AFAP1: variants seen among roughly 807,000 people sequenced by gnomAD.
AFAP1 encodes actin filament-associated protein 1.
A neutral mutation model predicts 93.9 loss-of-function variants in AFAP1; 75 were observed. That is an observed-to-expected ratio of 0.80 (90% CI 0.66 to 0.97). The LOEUF (loss-of-function observed/expected upper bound fraction) is 0.97, where lower values mean the gene tolerates loss of function less well. AFAP1 is among the 50% of genes least tolerant of loss of function. AFAP1 has a pLI of 0.00. For missense variants in AFAP1, 1,201 were observed against 1,050.8 expected, an observed-to-expected ratio of 1.14 and a Z score of -1.98; for synonymous variants, 517 against 430.7, an observed-to-expected ratio of 1.20 and a Z score of -2.48.
At chr4:7,895,402 T>A (rs1465224391) in intron 1 of AFAP1, among the ~76,000 whole-genome samples, 1 of 152,070 alleles carries the variant, frequency 6.6e-6, no homozygotes, top group Non-Finnish European at 1.5e-5. Context: ...AAGATTTTTT[T>A]AAAAAAAGCT....
chr4:7,840,823 G>A (rs78258460), intron 5 of AFAP1, among the ~76,000 whole-genome samples: 2,326 of 151,182 alleles, frequency 0.015, 69 homozygotes, highest in African/African-American at 0.055. Flanking sequence ...GGAAGGAATC[G>A]GAAAGGGAAT....
At chr4:7,872,793 T>C (rs1228770498) in intron 1 of AFAP1, among the ~76,000 whole-genome samples, 1 of 152,122 alleles carries the variant, frequency 6.6e-6, no homozygotes, top group Non-Finnish European at 1.5e-5. Flanking sequence ...TAAGACATTA[T>C]TCACCTTTTT....
chr4:7,781,701 T>C, intron 12 of AFAP1, 74 bp from the exon 13 acceptor site: 4 of 1,519,964 alleles, frequency 2.6e-6, no homozygotes, highest in Non-Finnish European at 3.5e-6. Context: ...TGAGATGTCA[T>C]TTATTAATAG....
intron 1 of AFAP1, among the ~76,000 whole-genome samples, chr4:7,934,510 G>A (rs1278202548): frequency 1.3e-5 from 2 of 152,156 alleles, no homozygotes; most frequent in East Asian, 1.9e-4. Flanking sequence ...TAAATTCTTC[G>A]AGGACCAGGG....
chr4:7,924,610 T>C (rs1237840457), intron 1 of AFAP1, among the ~76,000 whole-genome samples: 3 of 152,222 alleles, frequency 2.0e-5, no homozygotes, highest in African/African-American at 4.8e-5. Flanking sequence ...GTATCCAATT[T>C]GTCATTTGAT....
At chr4:7,818,027 G>A (rs1433277727) in intron 7 of AFAP1, among the ~76,000 whole-genome samples, 1 of 152,198 alleles carries the variant, frequency 6.6e-6, no homozygotes, top group African/African-American at 2.4e-5. Context: ...GATGAGGACT[G>A]TGATGTTTAA....
At chr4:7,860,386 C>T (rs1715541952) in intron 3 of AFAP1, among the ~76,000 whole-genome samples, 1 of 152,044 alleles carries the variant, frequency 6.6e-6, no homozygotes, top group African/African-American at 2.4e-5. Context: ...AAATCCAAAA[C>T]TTTTTTTAGC....
At chr4:7,885,150 ACT>A (rs1334898449) in intron 1 of AFAP1, among the ~76,000 whole-genome samples, 4 of 151,922 alleles carry the variant, frequency 2.6e-5, no homozygotes, top group African/African-American at 9.7e-5. Context: ...GGTTTGCTAC[ACT>A]CTTCTCAGTG....
intron 6 of AFAP1, among the ~76,000 whole-genome samples, chr4:7,834,766 C>T (rs543744385): frequency 2.6e-5 from 4 of 152,346 alleles, no homozygotes; most frequent in South Asian, 4.1e-4. Flanking sequence ...AAGAGGGGGT[C>T]CCTGGCAAAA....
chr4:7,831,357 T>C (rs1711587674), intron 6 of AFAP1, among the ~76,000 whole-genome samples: 1 of 151,664 alleles, frequency 6.6e-6, no homozygotes, highest in African/African-American at 2.4e-5. Flanking sequence ...TTACCCCGTA[T>C]TATTTACTTT....
intron 1 of AFAP1, among the ~76,000 whole-genome samples, chr4:7,929,760 T>C (rs769284165): frequency 4.6e-5 from 7 of 152,180 alleles, no homozygotes; most frequent in African/African-American, 7.2e-5. Flanking sequence ...CAGGAACTAC[T>C]GAATGAGGGA....
chr4:7,809,583 C>G (rs557325534), intron 9 of AFAP1, 31 bp downstream of exon 9: 3 of 1,600,510 alleles, frequency 1.9e-6, no homozygotes, highest in South Asian at 1.1e-5. Context: ...CTTAGGTGCA[C>G]GCTGCTCGTC....
chr4:7,917,769 A>G (rs1286509624), intron 1 of AFAP1, among the ~76,000 whole-genome samples: 3 of 152,126 alleles, frequency 2.0e-5, no homozygotes, highest in African/African-American at 2.4e-5. Context: ...CCACCCTTCC[A>G]AACTCCTCTG....
intron 17 of AFAP1, among the ~76,000 whole-genome samples, chr4:7,764,955 A>C (rs531036608): frequency 1.3e-5 from 2 of 152,118 alleles, no homozygotes; most frequent in South Asian, 4.2e-4. Context: ...AAAATACAAA[A>C]ATTAGCTGGG....
chr4:7,815,513 G>A (rs1720395687), intron 8 of AFAP1, among the ~76,000 whole-genome samples: 1 of 152,178 alleles, frequency 6.6e-6, no homozygotes, highest in Non-Finnish European at 1.5e-5. Context: ...AAATCGGCAG[G>A]TCTGGCCTCC....
chr4:7,800,022 A>C (rs888933811), intron 10 of AFAP1, among the ~76,000 whole-genome samples: 1 of 152,204 alleles, frequency 6.6e-6, no homozygotes, highest in East Asian at 1.9e-4. Flanking sequence ...ATTCCAAAGG[A>C]AACATTTACC....
At chr4:7,906,043 A>G (rs764064720) in intron 1 of AFAP1, among the ~76,000 whole-genome samples, 12 of 152,182 alleles carry the variant, frequency 7.9e-5, no homozygotes, top group Non-Finnish European at 1.3e-4. Context: ...AGATACCTCA[A>G]TGCTCCAAAA....
In AFAP1 at chr4:7,899,025, G is replaced by GTATA. The variant is rs35475290; in HGVS notation, c.-2-26949_-2-26946dup. ...TGTATATATATAAATATATGTGTGT[G>GTATA]TATATATATATATAAGTAATACATA... On this transcript the variant is annotated intron_variant, in intron 1 of 17. Coordinates refer to ENST00000420658, the MANE Select transcript of AFAP1 (RefSeq NM_001134647.2). 1.3e-3 allele frequency among the ~76,000 whole-genome samples: 187 copies of GTATA among 148,846 alleles called. 1 individual carries two copies. Among genetic ancestry groups the GTATA allele is most frequent in the Middle Eastern group, 3.6e-3 (1 of 280 alleles).
chr4:7,799,759 T>C lies in AFAP1; in HGVS notation c.1266+683A>G, dbSNP rs151187073. Among the ~76,000 whole-genome samples, 26 of 152,252 alleles carry C rather than the reference T, an allele frequency of 1.7e-4. No homozygotes were observed. The East Asian group carries it at 4.6e-3, about 27-fold the overall frequency. On this transcript the variant is annotated intron_variant, in intron 10 of 17. Coordinates refer to ENST00000420658, the MANE Select transcript of AFAP1 (RefSeq NM_001134647.2). Reference sequence around the variant, plus strand: ...GAAAACATCAACAGAATGTTTTCTATGATGAAAAATTAAAAACTTTCAATA... The same window carrying C: ...GAAAACATCAACAGAATGTTTTCTACGATGAAAAATTAAAAACTTTCAATA...
Sources: allele counts gnomAD v4.1 joint callset (sites outside exome capture counted in the v4.1 genomes callset), GRCh38; gene constraint gnomAD v4.1.1; transcripts MANE v1.5; gene names NCBI Gene and HGNC (gene_info 2026-07-23, HGNC 2026-07-21).